Variants in DPP10 observed in about 807,000 individuals in gnomAD.
DPP10 encodes the protein inactive dipeptidyl peptidase 10.
In DPP10, 33 loss-of-function variants were observed where a neutral mutation model predicts 120.9. The observed-to-expected ratio is 0.27, with a 90% CI of 0.21 to 0.37. DPP10 has a LOEUF of 0.37. Ranked by LOEUF, DPP10 falls within the 10% of genes least tolerant of loss-of-function variation. The pLI is 1.00. For missense variants in DPP10, 816 were observed against 942.8 expected (o/e 0.87, Z 1.76); for synonymous variants, 337 against 326.1 (o/e 1.03, Z -0.36).
At chr2:114,918,437 A>G (rs1048861823) in intron 1 of DPP10, among the ~76,000 whole-genome samples, 2 of 152,212 alleles carry the variant, frequency 1.3e-5, no homozygotes, top group Non-Finnish European at 2.9e-5. Flanking sequence ...CAGCAATCTC[A>G]TTACTGGGTA....
rs149574479 is a variant in DPP10 at position 115,701,561 on chromosome 2, A to T, written c.576+11640A>T. 2.0e-5 allele frequency among the ~76,000 whole-genome samples: 3 copies of T among 152,220 alleles called. No homozygotes were observed. In the East Asian group the frequency reaches 5.8e-4, roughly 29 times the overall value. ...GAATCATTTTGCAGTGCTTTCTTGGATATGACACAAAAGACACATGAAATT... is the reference window on the plus strand; with the variant it reads ...GAATCATTTTGCAGTGCTTTCTTGGTTATGACACAAAAGACACATGAAATT... On this transcript the variant is annotated intron_variant, in intron 7 of 25. Coordinates refer to ENST00000410059, the MANE Select transcript of DPP10 (RefSeq NM_020868.6).
intron 1 of DPP10, among the ~76,000 whole-genome samples, chr2:115,133,145 G>GTGTGTATA (rs1338395575): frequency 1.7e-3 from 50 of 28,766 alleles, no homozygotes; most frequent in African/African-American, 2.2e-3. Flanking sequence ...GTGTGTGTGT[G>GTGTGTATA]TATATATATA....
intron 1 of DPP10, among the ~76,000 whole-genome samples, chr2:114,936,094 AG>A (rs1165928415): frequency 1.3e-5 from 2 of 152,106 alleles, no homozygotes; most frequent in Admixed American, 1.3e-4. Flanking sequence ...CCATCACCCA[AG>A]CAGTGTATAC....
Position 115,219,918 on chromosome 2 carries a change from C to A in DPP10, c.61-89321C>A, listed in dbSNP as rs868085185. Reference sequence around the variant, plus strand: ...CTAAATATTTTATTCAAATTTATCACCTGTCATCAACAACTAGAAATGTAT... The same window carrying A: ...CTAAATATTTTATTCAAATTTATCAACTGTCATCAACAACTAGAAATGTAT... On this transcript the variant is annotated intron_variant, in intron 1 of 25. Transcript: ENST00000410059. 1.7e-4 allele frequency among the ~76,000 whole-genome samples: 26 copies of A among 152,202 alleles called. 1 individual carries two copies. Among genetic ancestry groups the A allele is most frequent in the Middle Eastern group, 3.4e-3 (1 of 292 alleles).
chr2:115,129,926 G>A (rs2104779549), intron 1 of DPP10, among the ~76,000 whole-genome samples: 1 of 152,244 alleles, frequency 6.6e-6, no homozygotes, highest in East Asian at 1.9e-4. Flanking sequence ...TGTGGGCTGA[G>A]GCACGTGGTA....
chr2:114,834,326 C>CACACCTATGTATATATAAGCCATATCTAT (rs1558790264), intron 1 of DPP10, among the ~76,000 whole-genome samples: 1 of 149,042 alleles, frequency 6.7e-6, no homozygotes, highest in African/African-American at 2.6e-5. Flanking sequence ...GCCATGTCTA[C>CACACCTATGTATATATAAGCCATATCTAT]ACACCTATGT....
At chr2:115,630,624 G>C (rs912093027) in intron 5 of DPP10, among the ~76,000 whole-genome samples, 3 of 152,046 alleles carry the variant, frequency 2.0e-5, no homozygotes, top group Non-Finnish European at 4.4e-5. Context: ...AAGCGATGTT[G>C]AATTTTATCA....
intron 1 of DPP10, among the ~76,000 whole-genome samples, chr2:115,052,736 G>A (rs1256896824): frequency 6.6e-6 from 1 of 152,150 alleles, no homozygotes; most frequent in African/African-American, 2.4e-5. Flanking sequence ...CAGATCACTT[G>A]AGGTCAGGAG....
Position 114,917,806 on chromosome 2 carries a change from T to G in DPP10, c.61-391433T>G, listed in dbSNP as rs13386891. ...CCTTTCCCCACATACAAAAATCAAC[T>G]CAAGATGGATTAAAGACTTAAACAT... is the stretch of plus-strand genomic sequence containing the variant. On this transcript the variant is annotated intron_variant, in intron 1 of 25. Transcript: ENST00000410059. Among the ~76,000 whole-genome samples the G allele has an allele frequency of 9.9e-3, 1,496 of 151,856 alleles. 20 individuals carry two copies. The highest frequency in any genetic ancestry group is 0.035 in the African/African-American group (1,443 of 41,390).
intron 1 of DPP10, among the ~76,000 whole-genome samples, chr2:114,864,426 G>A (rs1690062258): frequency 6.6e-6 from 1 of 152,162 alleles, no homozygotes; most frequent in South Asian, 2.1e-4. Flanking sequence ...CATAAAACAA[G>A]TGTTATTAAA....
Position 115,117,716 on chromosome 2 carries a change from AAAG to A in DPP10, c.61-191518_61-191516del, listed in dbSNP as rs2049595340. Among the ~76,000 whole-genome samples the A allele has an allele frequency of 4.6e-5, 7 of 152,354 alleles. No homozygotes were observed. The South Asian group carries it at 1.4e-3, about 32-fold the overall frequency. On this transcript the variant is annotated intron_variant, in intron 1 of 25. Coordinates refer to ENST00000410059, the MANE Select transcript of DPP10 (RefSeq NM_020868.6). ...GCTTTGTAAGCTGAACATAAGACAA[AAAG>A]AAGATGATGAGAACCAGCCTTATCT...
At chr2:115,458,623 T>G (rs1188272260) in intron 3 of DPP10, among the ~76,000 whole-genome samples, 2 of 152,134 alleles carry the variant, frequency 1.3e-5, no homozygotes, top group African/African-American at 2.4e-5. Flanking sequence ...GCCAATTTTA[T>G]GAGTTTGTGG....
rs761060820 is a variant in DPP10 at position 115,499,559 on chromosome 2, T to C, written c.321T>C (p.Asn107=). 2 of 1,611,898 alleles carry C rather than the reference T, an allele frequency of 1.2e-6. No homozygotes were observed. Among genetic ancestry groups the C allele is most frequent in the Non-Finnish European group, 1.7e-6 (2 of 1,178,662 alleles). Residue 107 remains asparagine, a synonymous_variant, in exon 4 of 26, where the codon AAT becomes AAC. Transcript: ENST00000410059. Reference sequence around the variant, plus strand: ...AGAATGGACATGTCATTAAACTGAATATAGAAACAAATGCTACCACATTAT... The same window carrying C: ...AGAATGGACATGTCATTAAACTGAACATAGAAACAAATGCTACCACATTAT... The part of the protein sequence containing the change: ...KSENGHVIKL[N]IETNATTLLL...
rs1696319520 is a variant in DPP10 at position 114,934,592 on chromosome 2, A to G, written c.61-374647A>G. Among the ~76,000 whole-genome samples the G allele has an allele frequency of 2.0e-5, 3 of 151,880 alleles. No individual in the cohort carries two copies. In the South Asian group the frequency reaches 6.2e-4, roughly 32 times the overall value. ...AAATAAGTGGACCCCTGTAGTTGAAATCTGTGTCATTCATGGGTCAACTCT... is the reference window on the plus strand; with the variant it reads ...AAATAAGTGGACCCCTGTAGTTGAAGTCTGTGTCATTCATGGGTCAACTCT... On this transcript the variant is annotated intron_variant, in intron 1 of 25. Transcript: ENST00000410059.
intron 1 of DPP10, chr2:115,131,881 G>C (rs1484261648): frequency 1.3e-5 from 2 of 151,672 alleles, no homozygotes; most frequent in Non-Finnish European, 2.9e-5. Context: ...CTGAGGTCAG[G>C]AGTTCGAGGT....
At chr2:115,059,979 C>A (rs1021912134) in intron 1 of DPP10, among the ~76,000 whole-genome samples, 2 of 151,954 alleles carry the variant, frequency 1.3e-5, no homozygotes, top group African/African-American at 2.4e-5. Context: ...GAGGATGATG[C>A]GTGCACATCT....
Position 115,831,942 on chromosome 2 carries a change from T to G in DPP10, c.1951-4215T>G, listed in dbSNP as rs1688970169. On this transcript the variant is annotated intron_variant, in intron 21 of 25. Transcript: ENST00000410059. Reference sequence around the variant, plus strand: ...AAAACAGAGCAGCCTACACTGATGATGGAAGTTTTTGATCTTTATTAAATC... The same window carrying G: ...AAAACAGAGCAGCCTACACTGATGAGGGAAGTTTTTGATCTTTATTAAATC... Among the ~76,000 whole-genome samples the G allele has an allele frequency of 2.0e-5, 3 of 152,204 alleles. 1 individual carries two copies. The highest frequency in any genetic ancestry group is 1.3e-4 in the Admixed American group (2 of 15,284).
chr2:115,827,420 A>G (rs1688470941), intron 21 of DPP10, among the ~76,000 whole-genome samples: 1 of 135,766 alleles, frequency 7.4e-6, no homozygotes, highest in Non-Finnish European at 1.6e-5. Context: ...GTGTGTATAT[A>G]TATATATATA....
intron 1 of DPP10, among the ~76,000 whole-genome samples, chr2:115,228,216 G>A (rs1013352331): frequency 1.3e-5 from 2 of 151,882 alleles, no homozygotes; most frequent in Non-Finnish European, 2.9e-5. Context: ...CAAAGTACTG[G>A]GACTACAGGT....
Sources: allele counts gnomAD v4.1 joint callset (sites outside exome capture counted in the v4.1 genomes callset), GRCh38; gene constraint gnomAD v4.1.1; transcripts MANE v1.5; gene names NCBI Gene and HGNC (gene_info 2026-07-23, HGNC 2026-07-21).